ZNF148: variants seen among roughly 807,000 people sequenced by gnomAD.
ZNF148 encodes the protein zinc finger protein 148.
ZNF148 carries 7 observed loss-of-function variants against 67.7 expected under a neutral mutation model. The ratio of observed to expected loss-of-function variants is 0.10; its 90% confidence interval spans 0.06 to 0.19. ZNF148 has a LOEUF of 0.19. Among genes scored for constraint, ZNF148 ranks in the 10% least tolerant of loss-of-function variants. The pLI is 1.00. For missense variants in ZNF148, 583 were observed against 947.1 expected, an observed-to-expected ratio of 0.62 and a Z score of 5.05; for synonymous variants, 333 against 330.7, an observed-to-expected ratio of 1.01 and a Z score of -0.08.
intron 5 of ZNF148, among the ~76,000 whole-genome samples, chr3:125,281,687 T>C (rs1269657257): frequency 3.9e-5 from 6 of 152,208 alleles, no homozygotes; most frequent in Admixed American, 1.3e-4. Context: ...CTGCCTTTCA[T>C]TGTAGATTCA....
chr3:125,237,144 G>C (rs188712899), intron 7 of ZNF148, among the ~76,000 whole-genome samples: 1 of 152,292 alleles, frequency 6.6e-6, no homozygotes, highest in East Asian at 1.9e-4. Flanking sequence ...AGCCAGTGAA[G>C]AGAAACTGAT....
chr3:125,372,937 G>T (rs1307319003), intron 1 of ZNF148, among the ~76,000 whole-genome samples: 3 of 152,124 alleles, frequency 2.0e-5, no homozygotes, highest in Non-Finnish European at 4.4e-5. Context: ...TTGCACTCCA[G>T]TCTGGGCAAC....
At chr3:125,257,769 T>C (rs1390386740) in intron 7 of ZNF148, among the ~76,000 whole-genome samples, 1 of 152,154 alleles carries the variant, frequency 6.6e-6, no homozygotes, top group African/African-American at 2.4e-5. Context: ...ATGTTCACCA[T>C]GACTTCATAA....
At chr3:125,240,780 A>AG (rs1936317295) in intron 7 of ZNF148, among the ~76,000 whole-genome samples, 1 of 149,772 alleles carries the variant, frequency 6.7e-6, no homozygotes, top group Non-Finnish European at 1.5e-5. Context: ...AAAAAAAAAA[A>AG]CCAAAAACCA....
At chr3:125,270,715 G>A (rs949417659) in intron 7 of ZNF148, among the ~76,000 whole-genome samples, 1 of 152,022 alleles carries the variant, frequency 6.6e-6, no homozygotes, top group African/African-American at 2.4e-5. Flanking sequence ...AAACTACTGT[G>A]AAAAATAACT....
chr3:125,289,474 C>T (rs1157692398), intron 4 of ZNF148, among the ~76,000 whole-genome samples: 1 of 152,100 alleles, frequency 6.6e-6, no homozygotes, highest in Non-Finnish European at 1.5e-5. Flanking sequence ...CAGAAGGGTA[C>T]AGTGACCACT....
chr3:125,370,587 C>T (rs1645393510), intron 1 of ZNF148, among the ~76,000 whole-genome samples: 1 of 152,202 alleles, frequency 6.6e-6, no homozygotes, highest in Non-Finnish European at 1.5e-5. Flanking sequence ...AATACTGTTA[C>T]TACTGAAAGT....
rs1195054546 is a variant in ZNF148, at chr3:125,231,851, C to T, written c.*490G>A. On this transcript the variant is annotated 3_prime_UTR_variant, in exon 9 of 9. Transcript: ENST00000360647. Reference sequence around the variant, plus strand: ...AAAGGTGGTTTCTTGGTTTTTTTCCCCCTATAGGACACACTAATTTATTTA... The same window carrying T: ...AAAGGTGGTTTCTTGGTTTTTTTCCTCCTATAGGACACACTAATTTATTTA... The T allele has an allele frequency of 6.6e-6, 1 of 152,616 alleles. No homozygotes were observed. Among genetic ancestry groups the T allele is most frequent in the Non-Finnish European group, 1.5e-5 (1 of 68,240 alleles). 9.5% of individuals were successfully genotyped at this position (152,616 alleles called of 1,614,324 possible). A position where few individuals can be genotyped will look rare whatever the true frequency, so the allele number is the denominator to read the frequency against.
rs375816624 is a variant in ZNF148 at position 125,232,314 on chromosome 3, A to C, written c.*27T>G. On this transcript the variant is annotated 3_prime_UTR_variant, in exon 9 of 9. Coordinates refer to ENST00000360647, the MANE Select transcript of ZNF148 (RefSeq NM_021964.3). This position sits in a 1 kb window ranked among gnomAD's most constrained non-coding sequence, Gnocchi z 4.2. ...CTTGATTAATCTGTTCTAAAGTGCCAGTATTATTTACACTTTTTTTTTTTT... is the reference window on the plus strand; with the variant it reads ...CTTGATTAATCTGTTCTAAAGTGCCCGTATTATTTACACTTTTTTTTTTTT... 1 of 1,565,682 alleles carries C rather than the reference A, an allele frequency of 6.4e-7. No individual in the cohort carries two copies. Among genetic ancestry groups the C allele is most frequent in the Non-Finnish European group, 8.6e-7 (1 of 1,160,806 alleles).
intron 1 of ZNF148, among the ~76,000 whole-genome samples, chr3:125,360,100 T>A (rs567981554): frequency 1.3e-5 from 2 of 152,292 alleles, no homozygotes; most frequent in South Asian, 4.1e-4. Context: ...CCTTTCCATA[T>A]GTTCTCTCCA....
At chr3:125,277,348 G>C (rs1348150649) in intron 7 of ZNF148, among the ~76,000 whole-genome samples, 1 of 152,252 alleles carries the variant, frequency 6.6e-6, no homozygotes, top group South Asian at 2.1e-4. Flanking sequence ...TACATGAAAG[G>C]GAAAGAAAGA....
intron 7 of ZNF148, among the ~76,000 whole-genome samples, chr3:125,266,272 T>C (rs1183159911): frequency 1.3e-5 from 2 of 151,698 alleles, no homozygotes; most frequent in Non-Finnish European, 2.9e-5. Flanking sequence ...AGAAAATACA[T>C]TTTTCTCATT....
chr3:125,247,906 TACAAA>T (rs1221034659), intron 7 of ZNF148, among the ~76,000 whole-genome samples: 3 of 151,914 alleles, frequency 2.0e-5, no homozygotes, highest in African/African-American at 4.8e-5. Flanking sequence ...ACATGAAAAA[TACAAA>T]ACAAAACAAA....
At chr3:125,271,877 C>A (rs987149846) in intron 7 of ZNF148, among the ~76,000 whole-genome samples, 9 of 152,170 alleles carry the variant, frequency 5.9e-5, no homozygotes, top group African/African-American at 2.2e-4. Context: ...TCCTGTCCAG[C>A]ATCTGCAACT....
intron 7 of ZNF148, among the ~76,000 whole-genome samples, chr3:125,275,488 T>C (rs1006789429): frequency 6.6e-6 from 1 of 152,248 alleles, no homozygotes; most frequent in Non-Finnish European, 1.5e-5. Flanking sequence ...TCACAGAGGC[T>C]TGAGCTGAAA....
intron 1 of ZNF148, among the ~76,000 whole-genome samples, chr3:125,368,477 C>G (rs1471704663): frequency 6.6e-6 from 1 of 152,160 alleles, no homozygotes; most frequent in Non-Finnish European, 1.5e-5. Context: ...ATAAGTCAAC[C>G]AAGAAAATTA....
At chr3:125,288,763 T>C (rs188492938) in intron 4 of ZNF148, among the ~76,000 whole-genome samples, 1 of 152,292 alleles carries the variant, frequency 6.6e-6, no homozygotes, top group African/African-American at 2.4e-5. Flanking sequence ...CTCAACAGTT[T>C]TGTCATATGA....
chr3:125,326,529 A>T (rs1206788306), intron 2 of ZNF148, among the ~76,000 whole-genome samples: 3 of 151,454 alleles, frequency 2.0e-5, no homozygotes, highest in South Asian at 4.1e-4. Context: ...GGCACACTAA[A>T]AAGTATTTAA....
intron 1 of ZNF148, among the ~76,000 whole-genome samples, chr3:125,371,888 C>T (rs528783560): frequency 2.0e-5 from 3 of 151,684 alleles, no homozygotes; most frequent in South Asian, 2.1e-4. Context: ...CACGGTGAAA[C>T]CCCGTCTCTA....
Sources: gnomAD v4.1 joint callset for allele counts (sites outside exome capture counted in the v4.1 genomes callset) on GRCh38, gnomAD v4.1.1 for gene constraint, Gnocchi (gnomAD v3.1) non-coding constraint, MANE v1.5 for transcripts, NCBI Gene and HGNC (gene_info 2026-07-23, HGNC 2026-07-21) for gene names.